The following RBFOX1 variants were observed in gnomAD, a reference collection of about 807,000 sequenced individuals.
RBFOX1 encodes the protein RNA binding protein fox-1 homolog 1.
Under a neutral mutation model 57.7 loss-of-function variants are expected in RBFOX1, and 8 were observed. The observed-to-expected ratio is 0.14, with a 90% confidence interval of 0.08 to 0.25. The LOEUF (loss-of-function observed/expected upper bound fraction) is 0.25. RBFOX1 is among the 10% of genes least tolerant of loss of function. RBFOX1 has a pLI of 1.00. For synonymous variants in RBFOX1, 326 were observed against 222.4 expected (o/e 1.47, Z -4.15); for missense variants, 611 against 548.5 (o/e 1.11, Z -1.14).
chr16:6,719,955 G>A (rs189339010), intron 3 of RBFOX1, among the ~76,000 whole-genome samples: 4 of 151,840 alleles, frequency 2.6e-5, no homozygotes, highest in Non-Finnish European at 5.9e-5. Flanking sequence ...TTAGCCGGGG[G>A]TGATGGCAGG....
At chr16:7,115,995 G>T (rs2065826208) in intron 4 of RBFOX1, among the ~76,000 whole-genome samples, 1 of 152,128 alleles carries the variant, frequency 6.6e-6, no homozygotes, top group East Asian at 1.9e-4. Context: ...CACATATATG[G>T]AGTAACCATT....
At chr16:6,607,697 G>A (rs1289649808) in intron 2 of RBFOX1, among the ~76,000 whole-genome samples, 1 of 151,920 alleles carries the variant, frequency 6.6e-6, no homozygotes. Context: ...GGGCATGTGA[G>A]TGTGCAAATA....
intron 2 of RBFOX1, among the ~76,000 whole-genome samples, chr16:6,545,942 C>G (rs2096888669): frequency 6.6e-6 from 1 of 152,232 alleles, no homozygotes; most frequent in Admixed American, 6.5e-5. Flanking sequence ...TCTCTGTGTA[C>G]TGTTGTCTAA....
chr16:6,505,779 G>T (rs73528444), intron 2 of RBFOX1, among the ~76,000 whole-genome samples: 3,121 of 152,274 alleles, frequency 0.02, 126 homozygotes, highest in African/African-American at 0.072. Context: ...GTACATAAGA[G>T]AATTCCTTGG....
At chr16:7,660,441 A>T (rs1408341819) in intron 12 of RBFOX1, among the ~76,000 whole-genome samples, 3 of 152,014 alleles carry the variant, frequency 2.0e-5, no homozygotes, top group African/African-American at 7.3e-5. Flanking sequence ...GCAGACATGG[A>T]TCCCTGTGCC....
rs13330931 is a variant in RBFOX1 at position 7,663,400 on chromosome 16, A to G, written c.891-1529A>G. On this transcript the variant is annotated intron_variant, in intron 12 of 15. Transcript: ENST00000550418. ...AATCCCTGCCACATTTTTAAGGACA[A>G]TGGTACTTGGAGTTTAGTCAATCAA... 5.8e-3 allele frequency among the ~76,000 whole-genome samples: 882 copies of G among 152,224 alleles called. 8 individuals are homozygous for G. Among genetic ancestry groups the G allele is most frequent in the African/African-American group, 0.02 (813 of 41,526 alleles).
At chr16:5,320,682 C>T (rs1046213997) in intron 1 of RBFOX1, among the ~76,000 whole-genome samples, 6 of 152,158 alleles carry the variant, frequency 3.9e-5, no homozygotes, top group Non-Finnish European at 7.3e-5. Flanking sequence ...GGTGTAGCCA[C>T]GGGAATCTTC....
At chr16:5,805,312 C>A (rs1434093017) in intron 3 of RBFOX1, among the ~76,000 whole-genome samples, 2 of 152,162 alleles carry the variant, frequency 1.3e-5, no homozygotes, top group South Asian at 2.1e-4. Context: ...CACTGATTTA[C>A]CAACTCGTGT....
chr16:5,995,009 G>T (rs568944373), intron 4 of RBFOX1, among the ~76,000 whole-genome samples: 2 of 152,290 alleles, frequency 1.3e-5, no homozygotes, highest in Non-Finnish European at 2.9e-5. Flanking sequence ...AGGAGGAAAG[G>T]TTGGGAGATA....
At chr16:6,222,513 T>G (rs1434233497) in intron 1 of RBFOX1, among the ~76,000 whole-genome samples, 1 of 151,740 alleles carries the variant, frequency 6.6e-6, no homozygotes, top group Non-Finnish European at 1.5e-5. Flanking sequence ...TGCAGATACA[T>G]CAGCTCTGAC....
rs2067021698 is a variant in RBFOX1, at chr16:6,725,681, A to T, written c.-16+71031A>T. 2.6e-5 allele frequency among the ~76,000 whole-genome samples: 4 copies of T among 152,192 alleles called. No homozygotes were observed. The South Asian group carries it at 8.3e-4, about 32-fold the overall frequency. On this transcript the variant is annotated intron_variant, in intron 3 of 15. Transcript: ENST00000550418. ...CTTAATACATTTGCTTTTACTTAAA[A>T]AGAAGAGTTCAGATTAGTTCTTCTA...
At chr16:5,663,151 A>G (rs1454870034) in intron 3 of RBFOX1, among the ~76,000 whole-genome samples, 1 of 152,194 alleles carries the variant, frequency 6.6e-6, no homozygotes, top group Non-Finnish European at 1.5e-5. Context: ...TCTACAACAA[A>G]GAATGACCCG....
intron 1 of RBFOX1, among the ~76,000 whole-genome samples, chr16:6,172,247 C>T (rs138920615): frequency 1.2e-3 from 184 of 152,238 alleles, no homozygotes; most frequent in African/African-American, 3.8e-3. Context: ...CACTTGCAAT[C>T]GTGTAGGGAG....
chr16:6,919,563 C>T (rs1055667376), intron 3 of RBFOX1, among the ~76,000 whole-genome samples: 1 of 152,016 alleles, frequency 6.6e-6, no homozygotes, highest in Non-Finnish European at 1.5e-5. Context: ...GACATTTCTC[C>T]ACTTCCTATG....
At chr16:5,467,188 C>CTT in intron 1 of RBFOX1, 3 of 1,463,646 alleles carry the variant, frequency 2.0e-6, no homozygotes, top group Non-Finnish European at 2.8e-6. Flanking sequence ...CTCTCTCTCT[C>CTT]TCTCTCTCTT....
chr16:5,295,025 T>A (rs866132298), intron 1 of RBFOX1, among the ~76,000 whole-genome samples: 3 of 80,380 alleles, frequency 3.7e-5, no homozygotes, highest in Non-Finnish European at 8.9e-5. Flanking sequence ...GTGAGACTCT[T>A]AAAAAAAAAA....
At chr16:7,167,669 C>G (rs1414539101) in intron 4 of RBFOX1, among the ~76,000 whole-genome samples, 2 of 152,218 alleles carry the variant, frequency 1.3e-5, no homozygotes, top group East Asian at 3.8e-4. Context: ...AACTAATTCA[C>G]TAGAGGGCTG....
intron 2 of RBFOX1, among the ~76,000 whole-genome samples, chr16:6,494,315 G>A (rs559620424): frequency 6.6e-6 from 1 of 152,246 alleles, no homozygotes; most frequent in Admixed American, 6.5e-5. Flanking sequence ...CACAGGTAAG[G>A]TACTGAGCAG....
intron 5 of RBFOX1, among the ~76,000 whole-genome samples, chr16:7,571,352 T>C (rs7192681): frequency 0.016 from 2,451 of 152,262 alleles, 69 homozygotes; most frequent in African/African-American, 0.055. Flanking sequence ...AAAAGGCATG[T>C]ATCTCTACAC....
Sources: allele counts gnomAD v4.1 joint callset (sites outside exome capture counted in the v4.1 genomes callset), GRCh38; gene constraint gnomAD v4.1.1; transcripts MANE v1.5; gene names NCBI Gene and HGNC (gene_info 2026-07-23, HGNC 2026-07-21).